Variants in BACE2 observed in about 807,000 individuals in gnomAD.
The protein encoded by BACE2 is beta-secretase 2, also known as 56 kDa aspartic-like protease.
A neutral mutation model predicts 46.2 loss-of-function variants in BACE2; 17 were observed. That is an observed-to-expected ratio of 0.37 (90% CI 0.25 to 0.55). The LOEUF (loss-of-function observed/expected upper bound fraction) is 0.55, where lower values mean the gene tolerates loss of function less well. Among genes scored for constraint, BACE2 ranks in the 20% least tolerant of loss-of-function variants. The pLI is 0.82. For missense variants in BACE2, 595 were observed against 698.1 expected (o/e 0.85, Z 1.66); for synonymous variants, 277 against 295.9 (o/e 0.94, Z 0.66).
intron 1 of BACE2, among the ~76,000 whole-genome samples, chr21:41,220,172 G>A (rs1986599177): frequency 6.6e-6 from 1 of 151,996 alleles, no homozygotes; most frequent in African/African-American, 2.4e-5. Flanking sequence ...GAAGAGATGT[G>A]TAGGTTGAGG....
intron 1 of BACE2, chr21:41,176,554 C>A (rs61735054): frequency 7.9e-5 from 12 of 152,178 alleles, no homozygotes; most frequent in African/African-American, 2.9e-4. Context: ...CCCCTCTGCT[C>A]GGCGGTTTCC....
intron 1 of BACE2, among the ~76,000 whole-genome samples, chr21:41,221,649 C>G (rs370840021): frequency 1.4e-4 from 22 of 152,014 alleles, no homozygotes; most frequent in African/African-American, 4.6e-4. Context: ...CACGGTGAAA[C>G]CCCGTCTCTA....
chr21:41,222,441 T>C (rs1041117717), intron 1 of BACE2, among the ~76,000 whole-genome samples: 2 of 152,108 alleles, frequency 1.3e-5, no homozygotes, highest in Non-Finnish European at 2.9e-5. Context: ...CTGGGTATCC[T>C]GGGGAAGAGC....
intron 1 of BACE2, among the ~76,000 whole-genome samples, chr21:41,187,982 C>T (rs764373671): frequency 2.7e-4 from 41 of 152,168 alleles, no homozygotes; most frequent in Admixed American, 1.8e-3. Flanking sequence ...TTCTGTATAA[C>T]GTCAGTTCTT....
intron 8 of BACE2, among the ~76,000 whole-genome samples, chr21:41,265,156 A>G (rs1162319773): frequency 6.9e-6 from 1 of 145,898 alleles, no homozygotes; most frequent in Non-Finnish European, 1.5e-5. Context: ...TAATCATACT[A>G]ATGCCTAAAG....
chr21:41,234,528 G>T (rs1005635851), intron 2 of BACE2, among the ~76,000 whole-genome samples: 2 of 152,144 alleles, frequency 1.3e-5, no homozygotes, highest in African/African-American at 4.8e-5. Context: ...AGATCCCATG[G>T]CCTACAAACC....
At chr21:41,246,220 T>C (rs909909955) in intron 6 of BACE2, 157 bp downstream of exon 6, 10 of 393,332 alleles carry the variant, frequency 2.5e-5, no homozygotes, top group African/African-American at 2.1e-4. Flanking sequence ...ATAGTATAGG[T>C]GTAATATGTA....
chr21:41,249,814 G>A (rs970758747), intron 6 of BACE2, among the ~76,000 whole-genome samples: 5 of 152,186 alleles, frequency 3.3e-5, no homozygotes, highest in Admixed American at 6.5e-5. Context: ...ACCCAGGGTG[G>A]ACTGCTCGGG....
intron 1 of BACE2, among the ~76,000 whole-genome samples, chr21:41,219,871 G>A (rs1478384201): frequency 6.6e-6 from 1 of 152,148 alleles, no homozygotes; most frequent in Admixed American, 6.5e-5. Context: ...ACAATCGATC[G>A]GTTCTGCGAC....
chr21:41,215,590 G>A (rs1275233610), intron 1 of BACE2, among the ~76,000 whole-genome samples: 4 of 152,192 alleles, frequency 2.6e-5, no homozygotes, highest in Non-Finnish European at 5.9e-5. Context: ...CTGGAAAACC[G>A]GTTTTTGTTA....
intron 8 of BACE2, among the ~76,000 whole-genome samples, chr21:41,269,870 C>T (rs947452350): frequency 2.0e-5 from 3 of 152,150 alleles, no homozygotes; most frequent in African/African-American, 4.8e-5. Context: ...GGAGTAGAAT[C>T]GTTGAGTTAC....
At chr21:41,192,072 A>C (rs1218517504) in intron 1 of BACE2, among the ~76,000 whole-genome samples, 2 of 152,210 alleles carry the variant, frequency 1.3e-5, no homozygotes, top group Admixed American at 1.3e-4. Context: ...AACCAGGTGC[A>C]CTGCTCGAAG....
intron 1 of BACE2, among the ~76,000 whole-genome samples, chr21:41,170,934 T>C (rs1271431151): frequency 6.6e-6 from 1 of 152,120 alleles, no homozygotes; most frequent in East Asian, 1.9e-4. Flanking sequence ...TATACGCATT[T>C]GGGGGTGGGA....
intron 1 of BACE2, among the ~76,000 whole-genome samples, chr21:41,222,824 G>T (rs749845807): frequency 6.6e-6 from 1 of 152,178 alleles, no homozygotes; most frequent in Non-Finnish European, 1.5e-5. Context: ...GAGCCCTCGG[G>T]ACCTCCTGGT....
intron 1 of BACE2, chr21:41,184,820 T>C (rs1985311557): frequency 6.0e-6 from 1 of 167,078 alleles, no homozygotes; most frequent in Admixed American, 6.5e-5. Flanking sequence ...TGCCTGGAAG[T>C]AACGTGATCC....
In BACE2 at chr21:41,212,370, A is replaced by T. The variant is rs546268418; in HGVS notation, c.313-13896A>T. On this transcript the variant is annotated intron_variant, in intron 1 of 8. Coordinates refer to ENST00000330333, the MANE Select transcript of BACE2 (RefSeq NM_012105.5). Reference sequence around the variant, plus strand: ...CCCAAAGGCCTTGCCTCCTAATATCAGTACGTTGGGAATAAGGGTTCATCA... The same window carrying T: ...CCCAAAGGCCTTGCCTCCTAATATCTGTACGTTGGGAATAAGGGTTCATCA... Among the ~76,000 whole-genome samples the T allele has an allele frequency of 1.7e-4, 26 of 152,278 alleles. No individual in the cohort carries two copies. In the South Asian group the frequency reaches 5.4e-3, roughly 32 times the overall value.
chr21:41,217,655 A>G (rs1338155456), intron 1 of BACE2, among the ~76,000 whole-genome samples: 1 of 152,176 alleles, frequency 6.6e-6, no homozygotes, highest in Non-Finnish European at 1.5e-5. Context: ...GCCCCCTCCC[A>G]GTGATGGTTT....
chr21:41,226,154 C>G, intron 1 of BACE2, 112 bp from the exon 2 acceptor site: 3 of 782,614 alleles, frequency 3.8e-6, no homozygotes, highest in Non-Finnish European at 6.2e-6. Flanking sequence ...TTTTTTTGTT[C>G]CAACTGATAA....
intron 8 of BACE2, among the ~76,000 whole-genome samples, chr21:41,263,749 G>T (rs726980): frequency 6.6e-6 from 1 of 151,972 alleles, no homozygotes; most frequent in Non-Finnish European, 1.5e-5. Flanking sequence ...CTTAGTTACC[G>T]GTAAGACTGC....
Sources: allele counts gnomAD v4.1 joint callset (sites outside exome capture counted in the v4.1 genomes callset), GRCh38; gene constraint gnomAD v4.1.1; transcripts MANE v1.5; gene names NCBI Gene and HGNC (gene_info 2026-07-23, HGNC 2026-07-21).